Variants in FNDC1 observed in about 807,000 individuals in gnomAD.
FNDC1 encodes fibronectin type III domain-containing protein 1.
A neutral mutation model predicts 168.0 loss-of-function variants in FNDC1; 96 were observed. The ratio of observed to expected loss-of-function variants is 0.57; its 90% CI spans 0.48 to 0.68. FNDC1 has a LOEUF of 0.68. Ranked by LOEUF, FNDC1 falls within the 30% of genes least tolerant of loss-of-function variation. FNDC1 has a pLI of 0.00. For synonymous variants in FNDC1, 1,099 were observed against 1,025.9 expected, an observed-to-expected ratio of 1.07 and a Z score of -1.36; for missense variants, 2,587 against 2,482.1, an observed-to-expected ratio of 1.04 and a Z score of -0.90.
At position 159,169,639 on chromosome 6, in the gene FNDC1, C is replaced by T; in HGVS notation, c.43C>T (p.Leu15=). 2.6e-6 allele frequency: 3 copies of T among 1,150,544 alleles called. No individual in the cohort carries two copies. The highest frequency in any genetic ancestry group is 2.1e-6 in the Non-Finnish European group (2 of 936,628). 71.3% of individuals were successfully genotyped at this position (1,150,544 alleles called of 1,614,324 possible). A position where few individuals can be genotyped will look rare whatever the true frequency, so the allele number is the denominator to read the frequency against. Residue 15 remains leucine (L), a synonymous_variant, in exon 1 of 23, where the codon CTG becomes TTG. Transcript: ENST00000297267. The surrounding 1 kb of genome is among the most constrained non-coding windows in gnomAD (Gnocchi z 6.8). ...AGATLRAPRR[L]SWAALLLLAA... Reference sequence around the variant, plus strand: ...GGCGACCCTGCGCGCGCCGCGCCGGCTGTCCTGGGCGGCGCTGCTGCTCTT... The same window carrying T: ...GGCGACCCTGCGCGCGCCGCGCCGGTTGTCCTGGGCGGCGCTGCTGCTCTT...
rs1473078623 is a variant in FNDC1, at chr6:159,169,560, C to T, written c.-37C>T. The T allele has an allele frequency of 6.4e-6, 5 of 780,566 alleles. No individual in the cohort carries two copies. In the African/African-American group the frequency reaches 9.3e-5, roughly 15 times the overall value. The allele number at this position is 780,566 out of a possible 1,614,324, so 48.4% of individuals were successfully genotyped here. A position where few individuals can be genotyped will look rare whatever the true frequency, so the allele number is the denominator to read the frequency against. ...ACTCCGGCCAGCGCCCCCCTGCCAGCCGCAAGCACCCAGCCCCGGCCCACC... is the reference window on the plus strand; with the variant it reads ...ACTCCGGCCAGCGCCCCCCTGCCAGTCGCAAGCACCCAGCCCCGGCCCACC... On this transcript the variant is annotated 5_prime_UTR_variant, in exon 1 of 23. Coordinates refer to ENST00000297267, the MANE Select transcript of FNDC1 (RefSeq NM_032532.3). This position sits in a 1 kb window ranked among gnomAD's most constrained non-coding sequence, Gnocchi z 6.8.
Position 159,232,596 on chromosome 6 carries a change from C to G in FNDC1, c.2084C>G (p.Ser695Trp), listed in dbSNP as rs144100305. 3 of 1,608,112 alleles carry G rather than the reference C, an allele frequency of 1.9e-6. No individual in the cohort carries two copies. In the East Asian group the frequency reaches 6.7e-5, roughly 36 times the overall value. The change falls in exon 11 of 23, where the codon TCG (serine) becomes TGG (tryptophan). Residue 695 changes from serine to tryptophan, a missense_variant. Coordinates refer to ENST00000297267, the MANE Select transcript of FNDC1 (RefSeq NM_032532.3). This position sits in a 1 kb window ranked among gnomAD's most constrained non-coding sequence, Gnocchi z 4.9. ...GTGCACCCCGGCGCAAAGCCAGCCT[C>G]GCCGGCCCGGAGGACCCCCCATTCA... ...SSVHPGAKPA[S>W]PARRTPHSGA...
At chr6:159,217,338 TG>T (rs747872469) in intron 5 of FNDC1, among the ~76,000 whole-genome samples, 1 of 152,244 alleles carries the variant, frequency 6.6e-6, no homozygotes, top group African/African-American at 2.4e-5. Context: ...CTAGGCGCTC[TG>T]AGAGCTCCTA....
chr6:159,239,833 C>T lies in FNDC1; in HGVS notation c.4497C>T (p.Thr1499=). The change falls in exon 14 of 23, where the codon ACC becomes ACT. Residue 1499 remains threonine, a synonymous_variant. Transcript: ENST00000297267. ...TTVRTTTRTT[T]TTTPTPTTPI... Reference sequence around the variant, plus strand: ...TCCGAACCACTACGCGGACAACCACCACCACCACCCCCACACCCACCACTC... The same window carrying T: ...TCCGAACCACTACGCGGACAACCACTACCACCACCCCCACACCCACCACTC... 7.1e-6 allele frequency: 11 copies of T among 1,545,068 alleles called. No homozygotes were observed. Among genetic ancestry groups the T allele is most frequent in the Non-Finnish European group, 8.8e-6 (10 of 1,141,472 alleles).
At chr6:159,226,347 G>A (rs1388933274) in intron 8 of FNDC1, 126 bp from the exon 9 acceptor site, 16 of 664,182 alleles carry the variant, frequency 2.4e-5, no homozygotes, top group East Asian at 2.2e-4. Context: ...TTTCTGTCAG[G>A]TATAATAAAA....
chr6:159,172,632 A>G (rs1781684781), intron 1 of FNDC1, among the ~76,000 whole-genome samples: 1 of 152,250 alleles, frequency 6.6e-6, no homozygotes, highest in Admixed American at 6.5e-5. Context: ...TGACCAGTGT[A>G]TAGCCTTACA....
Position 159,238,561 on chromosome 6 carries a change from A to T in FNDC1, c.4076A>T (p.Asp1359Val), listed in dbSNP as rs1362706798. The change falls in exon 13 of 23, where the codon GAC becomes GTC. Residue 1359 changes from aspartate to valine, a missense_variant. Physicochemically the swap from Asp to Val is radical, Grantham distance 152 (BLOSUM62 -3). Transcript: ENST00000297267. ...NGPQGTKWVV[D>V]LDRGLVLNAE... Reference sequence around the variant, plus strand: ...TCTATGTCATGGATTTAGGTTGTGGACCTTGATCGTGGGTTAGTATTGAAT... The same window carrying T: ...TCTATGTCATGGATTTAGGTTGTGGTCCTTGATCGTGGGTTAGTATTGAAT... The T allele has an allele frequency of 6.2e-7, 1 of 1,607,804 alleles. No homozygotes were observed. Among genetic ancestry groups the T allele is most frequent in the South Asian group, 1.1e-5 (1 of 89,344 alleles).
At chr6:159,202,692 C>T (rs191653885) in intron 4 of FNDC1, among the ~76,000 whole-genome samples, 67 of 152,324 alleles carry the variant, frequency 4.4e-4, no homozygotes, top group African/African-American at 1.5e-3. Context: ...GCTATCTCAA[C>T]TGAATTGTCT....
chr6:159,238,567 A>T lies in FNDC1; in HGVS notation c.4082A>T (p.Asp1361Val). 1 of 1,609,796 alleles carries T rather than the reference A, an allele frequency of 6.2e-7. No individual in the cohort carries two copies. The highest frequency in any genetic ancestry group is 8.5e-7 in the Non-Finnish European group (1 of 1,178,078). The part of the protein sequence containing the change: ...PQGTKWVVDL[D>V]RGLVLNAEGR... ...TCATGGATTTAGGTTGTGGACCTTG[A>T]TCGTGGGTTAGTATTGAATGCAGAA... Residue 1361 changes from aspartate to valine, a missense_variant, in exon 13 of 23, where the codon GAT (aspartate) becomes GTT (valine). Physicochemically the swap from Asp to Val is radical, Grantham distance 152. Transcript: ENST00000297267.
In FNDC1 at chr6:159,169,542, C is replaced by A; in HGVS notation, c.-55C>A. On this transcript the variant is annotated 5_prime_UTR_variant, in exon 1 of 23. Transcript: ENST00000297267. This position sits in a 1 kb window ranked among gnomAD's most constrained non-coding sequence, Gnocchi z 6.8. The stretch of plus-strand genomic sequence containing the variant: ...CGCCTCGGCACTCCCCAGACTCCGG[C>A]CAGCGCCCCCCTGCCAGCCGCAAGC... 5.5e-6 allele frequency: 3 copies of A among 546,426 alleles called. No homozygotes were observed. The highest frequency in any genetic ancestry group is 7.3e-6 in the Non-Finnish European group (3 of 410,748). 33.8% of individuals were successfully genotyped at this position (546,426 alleles called of 1,614,324 possible). A position where few individuals can be genotyped will look rare whatever the true frequency, so the allele number is the denominator to read the frequency against.
chr6:159,236,380 C>A (rs1783260753), intron 12 of FNDC1, 65 bp downstream of exon 12: 2 of 1,064,602 alleles, frequency 1.9e-6, no homozygotes, highest in Non-Finnish European at 2.9e-6. Flanking sequence ...AAATGGTGGA[C>A]ATTGTGTAAT....
At position 159,269,455 on chromosome 6, in the gene FNDC1, C is replaced by CATCTATCT. The variant is rs71033526; in HGVS notation, c.5569+1569_5569+1576dup. The stretch of plus-strand genomic sequence containing the variant: ...TATCCATCCATTATCTACCTATTCA[C>CATCTATCT]ATCTATCTATCTATCTATCTATCTA... On this transcript the variant is annotated intron_variant, in intron 22 of 22. Transcript: ENST00000297267. Among the ~76,000 whole-genome samples the CATCTATCT allele has an allele frequency of 4.1e-3, 390 of 93,990 alleles. 2 individuals are homozygous for CATCTATCT. Among genetic ancestry groups the CATCTATCT allele is most frequent in the East Asian group, 9.3e-3 (29 of 3,108 alleles). 61.7% of individuals were successfully genotyped at this position (93,990 alleles called of 152,430 possible). A position where few individuals can be genotyped will look rare whatever the true frequency, so the allele number is the denominator to read the frequency against.
At chr6:159,185,068 G>GGT (rs1554303771) in intron 1 of FNDC1, among the ~76,000 whole-genome samples, 2 of 37,226 alleles carry the variant, frequency 5.4e-5, no homozygotes, top group Non-Finnish European at 8.7e-5. Context: ...TATGGAGGGT[G>GGT]GGGGGGGGGG....
At chr6:159,174,064 G>T (rs1363354009) in intron 1 of FNDC1, among the ~76,000 whole-genome samples, 1 of 152,200 alleles carries the variant, frequency 6.6e-6, no homozygotes. Context: ...ACTGTTATCA[G>T]AAGCTATTAT....
At chr6:159,213,999 G>A (rs1039182818) in intron 4 of FNDC1, among the ~76,000 whole-genome samples, 1 of 152,202 alleles carries the variant, frequency 6.6e-6, no homozygotes, top group African/African-American at 2.4e-5. Context: ...AGCCTAGCTG[G>A]GAATTTTCCA....
chr6:159,239,493 A>G, intron 13 of FNDC1, 24 bp from the exon 14 acceptor site: 7 of 1,548,918 alleles, frequency 4.5e-6, no homozygotes, highest in Non-Finnish European at 6.1e-6. Flanking sequence ...CTTGTTGCAT[A>G]GCTATTGGTT....
At chr6:159,175,192 C>CA (rs1364276539) in intron 1 of FNDC1, among the ~76,000 whole-genome samples, 1 of 152,122 alleles carries the variant, frequency 6.6e-6, no homozygotes, top group Non-Finnish European at 1.5e-5. Flanking sequence ...CCTAGGTGTA[C>CA]ATTTTTACTT....
intron 19 of FNDC1, among the ~76,000 whole-genome samples, chr6:159,262,128 C>T (rs1777499927): frequency 6.6e-6 from 1 of 152,048 alleles, no homozygotes; most frequent in Admixed American, 6.5e-5. Flanking sequence ...TTCCTATGAC[C>T]TATGGTCTAA....
intron 5 of FNDC1, among the ~76,000 whole-genome samples, chr6:159,220,798 A>T (rs568785168): frequency 6.6e-6 from 1 of 152,206 alleles, no homozygotes; most frequent in Admixed American, 6.5e-5. Flanking sequence ...GAATCCACGT[A>T]CAGTAAAGGC....
Sources: gnomAD v4.1 joint callset for allele counts (sites outside exome capture counted in the v4.1 genomes callset) on GRCh38, gnomAD v4.1.1 for gene constraint, Gnocchi (gnomAD v3.1) non-coding constraint, MANE v1.5 for transcripts, NCBI Gene and HGNC (gene_info 2026-07-23, HGNC 2026-07-21) for gene names.